SYNPR: variants seen among roughly 807,000 people sequenced by gnomAD.
The protein encoded by SYNPR is synaptoporin.
In SYNPR, 23 loss-of-function variants were observed where a neutral mutation model predicts 32.9. That is an observed-to-expected ratio of 0.70 (90% CI 0.50 to 0.99). SYNPR has a LOEUF of 0.99. SYNPR is among the 50% of genes least tolerant of loss of function. SYNPR has a pLI of 0.00. For missense variants in SYNPR, 318 were observed against 349.3 expected, an observed-to-expected ratio of 0.91 and a Z score of 0.71; for synonymous variants, 146 against 135.9, an observed-to-expected ratio of 1.07 and a Z score of -0.52.
chr3:63,578,289 G>A (rs1216076539), intron 4 of SYNPR, among the ~76,000 whole-genome samples: 1 of 152,156 alleles, frequency 6.6e-6, no homozygotes, highest in Non-Finnish European at 1.5e-5. Flanking sequence ...CTTGAAATAG[G>A]TAGGGAGGAG....
intron 2 of SYNPR, among the ~76,000 whole-genome samples, chr3:63,406,741 A>T (rs73849112): frequency 9.7e-4 from 148 of 152,274 alleles, no homozygotes; most frequent in African/African-American, 3.4e-3. Flanking sequence ...CACTGGAGTA[A>T]CAGAAGAAGT....
Position 63,498,600 on chromosome 3 carries a change from C to A in SYNPR, c.209+17644C>A, listed in dbSNP as rs556943149. On this transcript the variant is annotated intron_variant, in intron 3 of 5. Coordinates refer to ENST00000478300, the MANE Select transcript of SYNPR (RefSeq NM_001130003.2). The stretch of plus-strand genomic sequence containing the variant: ...AAGAAAGATGAACGATTGCAAAGAT[C>A]TGGAGAAGAGATTCTTACAGATGGA... Among the ~76,000 whole-genome samples the A allele has an allele frequency of 5.3e-5, 8 of 152,176 alleles. No homozygotes were observed. In the South Asian group the frequency reaches 1.7e-3, roughly 32 times the overall value.
chr3:63,259,424 CG>C lies in SYNPR; in HGVS notation n.154+6839del, dbSNP rs201498682. ...GGATGCAAGGCTGGCTCAACATACA[CG>C]AATCAATAACAGTAATCCAGCATAT... On this transcript the variant is annotated intron_variant and non_coding_transcript_variant, in intron 2 of 4. Coordinates refer to the SYNPR transcript ENST00000478456. Among the ~76,000 whole-genome samples the C allele has an allele frequency of 6.0e-3, 910 of 152,236 alleles. 9 individuals are homozygous for C. Among genetic ancestry groups the C allele is most frequent in the African/African-American group, 0.021 (860 of 41,528 alleles).
intron 2 of SYNPR, among the ~76,000 whole-genome samples, chr3:63,291,457 C>T (rs540452739): frequency 6.6e-6 from 1 of 152,282 alleles, no homozygotes; most frequent in Admixed American, 6.5e-5. Flanking sequence ...TCTGGGAAAT[C>T]TTTCCCATAT....
At chr3:63,538,846 C>G (rs1194249695) in intron 3 of SYNPR, among the ~76,000 whole-genome samples, 1 of 152,126 alleles carries the variant, frequency 6.6e-6, no homozygotes, top group East Asian at 1.9e-4. Flanking sequence ...CAATAGCTAA[C>G]TGATATAATC....
intron 2 of SYNPR, among the ~76,000 whole-genome samples, chr3:63,341,947 C>A (rs2087375636): frequency 6.6e-6 from 1 of 152,088 alleles, no homozygotes; most frequent in South Asian, 2.1e-4. Flanking sequence ...TCCAAGGTTA[C>A]TTAGATTTTC....
At chr3:63,373,368 A>G (rs1249420731) in intron 2 of SYNPR, among the ~76,000 whole-genome samples, 1 of 152,226 alleles carries the variant, frequency 6.6e-6, no homozygotes, top group Non-Finnish European at 1.5e-5. Context: ...CAAAACAGCC[A>G]TCATAAGAAA....
intron 1 of SYNPR, among the ~76,000 whole-genome samples, chr3:63,237,020 G>A (rs1194205157): frequency 6.6e-6 from 1 of 152,100 alleles, no homozygotes; most frequent in East Asian, 1.9e-4. Context: ...CTTTATCAAG[G>A]CAATTCCCCT....
intron 2 of SYNPR, among the ~76,000 whole-genome samples, chr3:63,279,921 T>A (rs571482026): frequency 6.6e-6 from 1 of 152,380 alleles, no homozygotes; most frequent in South Asian, 2.1e-4. Flanking sequence ...CAGAGCTGGC[T>A]ATTCTGAAAC....
At chr3:63,438,466 G>A (rs1422116916) in intron 2 of SYNPR, among the ~76,000 whole-genome samples, 4 of 152,124 alleles carry the variant, frequency 2.6e-5, no homozygotes, top group Non-Finnish European at 1.5e-5. Context: ...CTGAGCTACT[G>A]TACCTCTCAG....
At chr3:63,606,493 G>A (rs925389439) in intron 4 of SYNPR, among the ~76,000 whole-genome samples, 1 of 136,484 alleles carries the variant, frequency 7.3e-6, no homozygotes, top group African/African-American at 2.8e-5. Context: ...GTGCAGTGAT[G>A]CAATCATAGC....
intron 3 of SYNPR, among the ~76,000 whole-genome samples, chr3:63,528,176 C>A (rs78974213): frequency 0.012 from 1,756 of 152,268 alleles, 23 homozygotes; most frequent in Non-Finnish European, 0.016. Flanking sequence ...TCTTGATCAT[C>A]CCTCATCATT....
intron 2 of SYNPR, among the ~76,000 whole-genome samples, chr3:63,343,982 G>A (rs1398867059): frequency 6.6e-6 from 1 of 152,218 alleles, no homozygotes; most frequent in African/African-American, 2.4e-5. Flanking sequence ...AAACCCCCGA[G>A]TGAAGCCTCA....
intron 2 of SYNPR, among the ~76,000 whole-genome samples, chr3:63,379,020 T>G (rs138326932): frequency 6.6e-6 from 1 of 152,198 alleles, no homozygotes; most frequent in Non-Finnish European, 1.5e-5. Flanking sequence ...TTCAATTCAA[T>G]GTATTTTAAA....
the SYNPR span, among the ~76,000 whole-genome samples, chr3:63,209,710 T>C: frequency 1.3e-5 from 2 of 152,186 alleles, no homozygotes; most frequent in African/African-American, 4.8e-5. Context: ...CACATATGGG[T>C]TCAAGCATAA....
At chr3:63,562,242 T>C (rs1303622711) in intron 4 of SYNPR, among the ~76,000 whole-genome samples, 1 of 152,156 alleles carries the variant, frequency 6.6e-6, no homozygotes, top group Non-Finnish European at 1.5e-5. Flanking sequence ...ATAATGAGGA[T>C]TTAGTTTTCT....
At chr3:63,614,372 T>C (rs1409970055) in intron 5 of SYNPR, among the ~76,000 whole-genome samples, 1 of 152,174 alleles carries the variant, frequency 6.6e-6, no homozygotes, top group Admixed American at 6.5e-5. Context: ...AGCAAACCGT[T>C]CTGCTTCCAT....
intron 2 of SYNPR, among the ~76,000 whole-genome samples, chr3:63,462,562 T>C (rs1275594384): frequency 1.3e-5 from 2 of 152,160 alleles, no homozygotes; most frequent in African/African-American, 2.4e-5. Flanking sequence ...ACCTCCAATT[T>C]AGGTCGCTGA....
chr3:63,595,170 A>T (rs1242374887), intron 4 of SYNPR, among the ~76,000 whole-genome samples: 1 of 152,184 alleles, frequency 6.6e-6, no homozygotes, highest in Non-Finnish European at 1.5e-5. Context: ...AAAGACAAAC[A>T]GGGTGGGAAG....
Sources: allele counts gnomAD v4.1 joint callset (sites outside exome capture counted in the v4.1 genomes callset), GRCh38; gene constraint gnomAD v4.1.1; transcripts MANE v1.5; gene names NCBI Gene and HGNC (gene_info 2026-07-23, HGNC 2026-07-21).